UQCC1: variants seen among roughly 807,000 people sequenced by gnomAD.
UQCC1 encodes bFGF-repressed Zic-binding protein.
Under a neutral mutation model 48.0 loss-of-function variants are expected in UQCC1, and 38 were observed. That is an observed-to-expected ratio of 0.79 (90% CI 0.61 to 1.04). UQCC1 has a LOEUF of 1.04. Ranked by LOEUF, UQCC1 falls within the 50% of genes least tolerant of loss-of-function variation. The pLI is 0.00. For missense variants in UQCC1, 368 were observed against 381.8 expected (o/e 0.96, Z 0.30); for synonymous variants, 111 against 129.2 (o/e 0.86, Z 0.95).
chr20:35,411,678 G>T (rs1372225997), intron 1 of UQCC1, among the ~76,000 whole-genome samples: 2 of 152,096 alleles, frequency 1.3e-5, no homozygotes, highest in African/African-American at 2.4e-5. Flanking sequence ...GCAGGTACAT[G>T]GGGGAGGGAA....
intron 5 of UQCC1, among the ~76,000 whole-genome samples, chr20:35,368,591 A>C (rs1347181597): frequency 2.6e-5 from 4 of 152,184 alleles, no homozygotes; most frequent in African/African-American, 7.2e-5. Context: ...AAGCCATGTC[A>C]ATACATTATC....
chr20:35,367,936 C>T (rs1365550471), intron 5 of UQCC1, among the ~76,000 whole-genome samples: 3 of 152,150 alleles, frequency 2.0e-5, no homozygotes, highest in Non-Finnish European at 4.4e-5. Context: ...TAGTTCTGTG[C>T]TCAGACATCA....
At chr20:35,404,943 A>G (rs1340290714) in intron 1 of UQCC1, among the ~76,000 whole-genome samples, 1 of 152,228 alleles carries the variant, frequency 6.6e-6, no homozygotes, top group Non-Finnish European at 1.5e-5. Context: ...GAGGCTTAGA[A>G]AAGCCCCAAT....
At chr20:35,383,588 A>T (rs976593627) in intron 3 of UQCC1, among the ~76,000 whole-genome samples, 1 of 152,108 alleles carries the variant, frequency 6.6e-6, no homozygotes, top group African/African-American at 2.4e-5. Context: ...AAAAAATTTT[A>T]AAAACAATCC....
chr20:35,315,313 CA>C (rs1175552393), intron 7 of UQCC1: 1 of 152,524 alleles, frequency 6.6e-6, no homozygotes, highest in African/African-American at 2.4e-5. Flanking sequence ...TGCAAAGGTG[CA>C]GAGGCTGGAA....
At chr20:35,312,096 G>T (rs1244239229) in intron 8 of UQCC1, among the ~76,000 whole-genome samples, 1 of 152,138 alleles carries the variant, frequency 6.6e-6, no homozygotes, top group Non-Finnish European at 1.5e-5. Context: ...AGAGCCACCT[G>T]CAATAAAGAC....
intron 7 of UQCC1, among the ~76,000 whole-genome samples, chr20:35,342,141 G>C (rs1479893601): frequency 4.6e-5 from 7 of 152,140 alleles, no homozygotes; most frequent in Non-Finnish European, 8.8e-5. Context: ...GACAGAAGGT[G>C]CATTCTTATT....
chr20:35,382,908 C>T (rs1227251389), intron 3 of UQCC1, among the ~76,000 whole-genome samples: 1 of 152,136 alleles, frequency 6.6e-6, no homozygotes, highest in Non-Finnish European at 1.5e-5. Context: ...ACATGCCTAC[C>T]TCATTGACTG....
chr20:35,408,169 C>T (rs6088825), intron 1 of UQCC1, among the ~76,000 whole-genome samples: 81,510 of 152,074 alleles, frequency 0.54, 23,083 homozygotes, highest in East Asian at 0.72. Context: ...TGGTTCACAC[C>T]TGTAATCCTA....
intron 7 of UQCC1, among the ~76,000 whole-genome samples, chr20:35,316,122 C>T (rs1410800995): frequency 6.6e-6 from 1 of 152,172 alleles, no homozygotes; most frequent in Admixed American, 6.5e-5. Flanking sequence ...AAAGCCAGTG[C>T]AATGTATAGC....
intron 1 of UQCC1, among the ~76,000 whole-genome samples, chr20:35,399,553 T>C (rs2062129147): frequency 1.3e-5 from 2 of 152,052 alleles, no homozygotes; most frequent in Admixed American, 1.3e-4. Context: ...ATAAGCTCAA[T>C]TGCTTCAAGA....
At chr20:35,350,610 T>G (rs1418854801) in intron 6 of UQCC1, among the ~76,000 whole-genome samples, 6 of 151,916 alleles carry the variant, frequency 3.9e-5, no homozygotes, top group Non-Finnish European at 7.4e-5. Context: ...GCAGGAGAAA[T>G]GCTTGAACCC....
chr20:35,353,701 A>T (rs1186117804), intron 6 of UQCC1, among the ~76,000 whole-genome samples: 2 of 152,012 alleles, frequency 1.3e-5, no homozygotes, highest in Non-Finnish European at 2.9e-5. Flanking sequence ...CTGATATGGG[A>T]GGATTGCTTC....
At chr20:35,312,053 A>G (rs577527601) in intron 8 of UQCC1, among the ~76,000 whole-genome samples, 1 of 152,334 alleles carries the variant, frequency 6.6e-6, no homozygotes, top group South Asian at 2.1e-4. Context: ...GTACATTTTT[A>G]TTAATACTGA....
chr20:35,386,808 A>G (rs2146496157), intron 2 of UQCC1, among the ~76,000 whole-genome samples: 1 of 151,818 alleles, frequency 6.6e-6, no homozygotes, highest in Admixed American at 6.6e-5. Flanking sequence ...TTCACACTAT[A>G]TTGAACTACT....
intron 7 of UQCC1, among the ~76,000 whole-genome samples, chr20:35,328,632 C>T (rs933866616): frequency 2.0e-5 from 3 of 152,164 alleles, no homozygotes; most frequent in African/African-American, 7.2e-5. Context: ...TGAGCACTCT[C>T]AACTACTCTG....
At chr20:35,383,907 C>A in intron 3 of UQCC1, 131 bp downstream of exon 3, 2 of 676,300 alleles carry the variant, frequency 3.0e-6, no homozygotes, top group Non-Finnish European at 2.5e-6. Flanking sequence ...TGACCTTGGG[C>A]AAGTCACTTT....
intron 6 of UQCC1, among the ~76,000 whole-genome samples, chr20:35,351,031 G>T (rs753048388): frequency 6.6e-6 from 1 of 152,078 alleles, no homozygotes; most frequent in Non-Finnish European, 1.5e-5. Context: ...AAAAGAGCAA[G>T]ACTCTTGTCT....
chr20:35,374,947 C>T lies in UQCC1; in HGVS notation c.334-691G>A, dbSNP rs189680697. 5.0e-4 allele frequency among the ~76,000 whole-genome samples: 76 copies of T among 151,704 alleles called. 1 individual carries two copies. In the East Asian group the frequency reaches 0.014, roughly 27 times the overall value. On this transcript the variant is annotated intron_variant, in intron 4 of 9. Coordinates refer to ENST00000374385, the MANE Select transcript of UQCC1 (RefSeq NM_018244.5). ...TATATTACACTGTATATAAATTATG[C>T]CTTAATAAAAATAAATCTAAAAATA...
Sources: gnomAD v4.1 joint callset for allele counts (sites outside exome capture counted in the v4.1 genomes callset) on GRCh38, gnomAD v4.1.1 for gene constraint, MANE v1.5 for transcripts, NCBI Gene and HGNC (gene_info 2026-07-23, HGNC 2026-07-21) for gene names.